The following STRADB variants were observed in gnomAD, a reference collection of about 807,000 sequenced individuals.
STRADB encodes STE20 related adaptor beta, also known as STE20-related kinase adapter protein beta.
In STRADB, 34 loss-of-function variants were observed where a neutral mutation model predicts 52.1. That is an observed-to-expected ratio of 0.65 (90% CI 0.50 to 0.87). The LOEUF is 0.87. Ranked by LOEUF, STRADB falls within the 40% of genes least tolerant of loss-of-function variation. The pLI is 0.00. For synonymous variants in STRADB, 133 were observed against 174.5 expected, an observed-to-expected ratio of 0.76 and a Z score of 1.87; for missense variants, 340 against 483.9, an observed-to-expected ratio of 0.70 and a Z score of 2.79.
chr2:201,469,663 A>G (rs1428860690), intron 3 of STRADB, among the ~76,000 whole-genome samples: 3 of 152,246 alleles, frequency 2.0e-5, no homozygotes, highest in Non-Finnish European at 4.4e-5. Context: ...CTGAAGAATT[A>G]ACATTCTTCG....
intron 3 of STRADB, among the ~76,000 whole-genome samples, chr2:201,469,380 A>T (rs1033538093): frequency 2.0e-5 from 3 of 152,174 alleles, no homozygotes; most frequent in African/African-American, 7.2e-5. Context: ...TCCAAAGCAC[A>T]CCATGAGACC....
At chr2:201,468,855 A>C (rs955893157) in intron 3 of STRADB, among the ~76,000 whole-genome samples, 1 of 152,196 alleles carries the variant, frequency 6.6e-6, no homozygotes, top group Non-Finnish European at 1.5e-5. Flanking sequence ...TTATCTGAAG[A>C]CTACCTGTTT....
chr2:201,478,203 T>A lies in STRADB; in HGVS notation c.825+12T>A. The A allele has an allele frequency of 6.2e-7, 1 of 1,605,426 alleles. No individual in the cohort carries two copies. Among genetic ancestry groups the A allele is most frequent in the Non-Finnish European group, 8.5e-7 (1 of 1,176,716 alleles). On this transcript the variant is annotated intron_variant, in intron 9 of 11. Transcript: ENST00000194530. ...TGCATAGAACTCAGGTAAGTGCTGC[T>A]AAAATCCCTGAGCTACTTGCCTTTC...
chr2:201,461,465 C>A (rs1952215351), intron 3 of STRADB, among the ~76,000 whole-genome samples: 1 of 152,124 alleles, frequency 6.6e-6, no homozygotes, highest in African/African-American at 2.4e-5. Flanking sequence ...AGCCAATGTG[C>A]CCAGAACTGT....
At chr2:201,453,398 G>A (rs1952080181) in intron 1 of STRADB, among the ~76,000 whole-genome samples, 1 of 151,914 alleles carries the variant, frequency 6.6e-6, no homozygotes, top group South Asian at 2.1e-4. Flanking sequence ...AAGTGGCCAG[G>A]GTCTTGTCTG....
chr2:201,470,672 G>A (rs1238376316), intron 4 of STRADB, among the ~76,000 whole-genome samples: 1 of 152,128 alleles, frequency 6.6e-6, no homozygotes, highest in Admixed American at 6.5e-5. Context: ...GCACTGGAGG[G>A]TACTTTAGTA....
intron 10 of STRADB, chr2:201,479,248 G>A (rs1206621940): frequency 2.3e-6 from 1 of 430,600 alleles, no homozygotes; most frequent in African/African-American, 2.1e-5. Context: ...ACCCTACTAA[G>A]TTACTGTCAG....
chr2:201,472,886 T>G, intron 4 of STRADB, 69 bp from the exon 5 acceptor site: 1 of 1,474,758 alleles, frequency 6.8e-7, no homozygotes, highest in Non-Finnish European at 9.1e-7. Context: ...TTTTCAATTT[T>G]GATGATGTCT....
Position 201,478,608 on chromosome 2 carries a change from T to C in STRADB, c.1070+7T>C, listed in dbSNP as rs1251979827. On this transcript the variant is annotated splice_region_variant and intron_variant, in intron 10 of 11. Coordinates refer to ENST00000194530, the MANE Select transcript of STRADB (RefSeq NM_018571.6). ...AACAAGATCCTGAGAAAAGGTAATA[T>C]TGATCTCTTTTAAATAGCACAAAAT... 4 of 1,613,674 alleles carry C rather than the reference T, an allele frequency of 2.5e-6. No homozygotes were observed. Among genetic ancestry groups the C allele is most frequent in the South Asian group, 1.1e-5 (1 of 90,970 alleles).
chr2:201,454,205 C>T (rs1952093539), intron 1 of STRADB, among the ~76,000 whole-genome samples: 1 of 152,138 alleles, frequency 6.6e-6, no homozygotes, highest in Non-Finnish European at 1.5e-5. Context: ...AATTAATTTC[C>T]TAGTCTGTTA....
At chr2:201,474,626 T>A in intron 5 of STRADB, 21 bp from the exon 6 acceptor site, 1 of 1,593,944 alleles carries the variant, frequency 6.3e-7, no homozygotes, top group South Asian at 1.1e-5. Context: ...AAATGTCTTG[T>A]CTCTTGTGTG....
chr2:201,475,785 G>T, intron 7 of STRADB, 43 bp downstream of exon 7: 1 of 1,552,626 alleles, frequency 6.4e-7, no homozygotes, highest in Non-Finnish European at 8.7e-7. Context: ...AATTTTAATG[G>T]AAGAACTCTT....
intron 6 of STRADB, 143 bp downstream of exon 6, chr2:201,474,898 C>T: frequency 1.5e-6 from 1 of 663,630 alleles, no homozygotes. Context: ...ATTTCTATAT[C>T]TGGTACATGT....
At chr2:201,462,685 T>A (rs551453823) in intron 3 of STRADB, among the ~76,000 whole-genome samples, 1 of 152,358 alleles carries the variant, frequency 6.6e-6, no homozygotes, top group Admixed American at 6.5e-5. Context: ...ACACTTTAAC[T>A]TCATTCCTCC....
chr2:201,472,891 A>C, intron 4 of STRADB, 64 bp from the exon 5 acceptor site: 1 of 1,480,106 alleles, frequency 6.8e-7, no homozygotes, highest in Non-Finnish European at 9.0e-7. Context: ...AATTTTGATG[A>C]TGTCTAAATT....
At chr2:201,465,001 C>T (rs1348425577) in intron 3 of STRADB, among the ~76,000 whole-genome samples, 1 of 152,194 alleles carries the variant, frequency 6.6e-6, no homozygotes, top group South Asian at 2.1e-4. Flanking sequence ...AGTGGGCTAC[C>T]CTTTAGCCCA....
At chr2:201,469,083 A>T (rs1952350481) in intron 3 of STRADB, among the ~76,000 whole-genome samples, 1 of 152,154 alleles carries the variant, frequency 6.6e-6, no homozygotes, top group Non-Finnish European at 1.5e-5. Flanking sequence ...AAGTTTAGGG[A>T]ACATTTAATC....
chr2:201,455,799 C>T (rs1399528652), intron 2 of STRADB, among the ~76,000 whole-genome samples: 3 of 152,066 alleles, frequency 2.0e-5, no homozygotes, highest in Non-Finnish European at 4.4e-5. Flanking sequence ...GTAAGTTTAG[C>T]AGGGCAGGTG....
At chr2:201,479,949 ATTCTTTAAAAGTTAT>A (rs1952543755) in intron 11 of STRADB, 68 bp from the exon 12 acceptor site, 2 of 1,519,880 alleles carry the variant, frequency 1.3e-6, no homozygotes, top group South Asian at 2.3e-5. Flanking sequence ...TTTAACATAA[ATTCTTTAAAAGTTAT>A]TTATTGCTAA....
Sources: allele counts gnomAD v4.1 joint callset (sites outside exome capture counted in the v4.1 genomes callset), GRCh38; gene constraint gnomAD v4.1.1; transcripts MANE v1.5; gene names NCBI Gene and HGNC (gene_info 2026-07-23, HGNC 2026-07-21).